NFIA: variants seen among roughly 807,000 people sequenced by gnomAD.
The protein encoded by NFIA is nuclear factor 1 A-type.
Under a neutral mutation model 62.8 loss-of-function variants are expected in NFIA, and 8 were observed. The ratio of observed to expected loss-of-function variants is 0.13; its 90% CI spans 0.07 to 0.23. The LOEUF is 0.23. Among genes scored for constraint, NFIA ranks in the 10% least tolerant of loss-of-function variants. The pLI, the probability that NFIA is intolerant of heterozygous loss-of-function variation, is 1.00. For missense variants in NFIA, 410 were observed against 642.1 expected (o/e 0.64, Z 3.91); for synonymous variants, 235 against 238.1 (o/e 0.99, Z 0.12).
At chr1:61,083,373 G>T (rs1646153947) in intron 1 of NFIA, among the ~76,000 whole-genome samples, 1 of 152,106 alleles carries the variant, frequency 6.6e-6, no homozygotes, top group African/African-American at 2.4e-5. Flanking sequence ...CTGCGCTGCC[G>T]CAGCCCCCCG....
At chr1:61,229,518 A>G (rs1654539053) in intron 2 of NFIA, among the ~76,000 whole-genome samples, 1 of 152,156 alleles carries the variant, frequency 6.6e-6, no homozygotes, top group African/African-American at 2.4e-5. Context: ...AAGCTCAAAC[A>G]AAAATGGAAT....
intron 2 of NFIA, among the ~76,000 whole-genome samples, chr1:61,117,511 A>G (rs1471405568): frequency 6.6e-6 from 1 of 151,776 alleles, no homozygotes; most frequent in East Asian, 1.9e-4. Flanking sequence ...AAGAACAGGA[A>G]AAAAAAATGT....
chr1:61,166,364 G>A (rs1369458751), intron 2 of NFIA, among the ~76,000 whole-genome samples: 2 of 152,068 alleles, frequency 1.3e-5, no homozygotes, highest in Non-Finnish European at 2.9e-5. Context: ...CCTGAGATAT[G>A]TATTCATTAC....
At chr1:61,372,549 T>G (rs1478247985) in intron 6 of NFIA, among the ~76,000 whole-genome samples, 1 of 149,824 alleles carries the variant, frequency 6.7e-6, no homozygotes, top group Non-Finnish European at 1.5e-5. Context: ...TTACACAGCA[T>G]ACTTGTTTCT....
At position 61,283,589 on chromosome 1, in the gene NFIA, A is replaced by AT. The variant is rs1266222679; in HGVS notation, c.625+6004_625+6005insT. The stretch of plus-strand genomic sequence containing the variant: ...AGAACGAGACTCTGTCTCAAAAAAA[A>AT]AAAAAAAAAAAAAAAAAAAGATTTA... On this transcript the variant is annotated intron_variant, in intron 3 of 10. Transcript: ENST00000403491. 9.3e-3 allele frequency among the ~76,000 whole-genome samples: 1,114 copies of AT among 119,534 alleles called. 51 individuals carry two copies. Among genetic ancestry groups the AT allele is most frequent in the African/African-American group, 0.033 (1,066 of 32,148 alleles). 78.4% of individuals were successfully genotyped at this position (119,534 alleles called of 152,430 possible).
intron 2 of NFIA, among the ~76,000 whole-genome samples, chr1:61,196,835 A>C (rs948172381): frequency 6.6e-6 from 1 of 152,300 alleles, no homozygotes; most frequent in East Asian, 1.9e-4. Context: ...CTGCATACTC[A>C]TAACAGTGTC....
chr1:61,116,126 A>G (rs1175419962), intron 2 of NFIA, among the ~76,000 whole-genome samples: 4 of 152,024 alleles, frequency 2.6e-5, no homozygotes, highest in African/African-American at 9.7e-5. Context: ...AGCTACAACA[A>G]AGTTAAATGG....
intron 3 of NFIA, among the ~76,000 whole-genome samples, chr1:61,321,149 C>T: frequency 6.6e-6 from 1 of 152,020 alleles, no homozygotes; most frequent in East Asian, 1.9e-4. Flanking sequence ...TTATAAAATA[C>T]TGATACTATG....
chr1:61,459,807 T>C lies in NFIA; in HGVS notation c.*4487T>C, dbSNP rs1668460566. The C allele has an allele frequency of 2.6e-5, 4 of 152,114 alleles. No individual in the cohort carries two copies. 9.4% of individuals were successfully genotyped at this position (152,114 alleles called of 1,614,324 possible). A position where few individuals can be genotyped will look rare whatever the true frequency, so the allele number is the denominator to read the frequency against. ...ACCTGGATAAGGAAAAACCTTTTTTTTCTATGAATTTTTTTTGTTTTTTAG... is the reference window on the plus strand; with the variant it reads ...ACCTGGATAAGGAAAAACCTTTTTTCTCTATGAATTTTTTTTGTTTTTTAG... On this transcript the variant is annotated 3_prime_UTR_variant, in exon 11 of 11. Coordinates refer to ENST00000403491, the MANE Select transcript of NFIA (RefSeq NM_001134673.4).
At chr1:61,185,963 CAA>C (rs1208152337) in intron 2 of NFIA, among the ~76,000 whole-genome samples, 1 of 152,172 alleles carries the variant, frequency 6.6e-6, no homozygotes, top group Non-Finnish European at 1.5e-5. Context: ...CACAAGGATG[CAA>C]ACTACGTTTA....
chr1:61,320,185 C>T (rs1339413623), intron 3 of NFIA, among the ~76,000 whole-genome samples: 1 of 151,902 alleles, frequency 6.6e-6, no homozygotes, highest in African/African-American at 2.4e-5. Flanking sequence ...AGTGTTCCTC[C>T]ATTGTGCTAA....
chr1:61,269,570 C>T (rs530954533), intron 2 of NFIA, among the ~76,000 whole-genome samples: 1 of 152,164 alleles, frequency 6.6e-6, no homozygotes, highest in Admixed American at 6.5e-5. Context: ...TCTTAAAGTG[C>T]AGGAGGTTTG....
intron 2 of NFIA, among the ~76,000 whole-genome samples, chr1:61,234,546 A>G (rs1184314499): frequency 6.6e-6 from 1 of 152,096 alleles, no homozygotes; most frequent in Non-Finnish European, 1.5e-5. Flanking sequence ...CACCTACCAT[A>G]TTACTTTGCC....
intron 4 of NFIA, among the ~76,000 whole-genome samples, chr1:61,337,466 A>T (rs1382465803): frequency 6.6e-6 from 1 of 152,170 alleles, no homozygotes; most frequent in Non-Finnish European, 1.5e-5. Context: ...ATCTGAAAGT[A>T]GCTCAATTAT....
chr1:61,307,183 T>C (rs1329513624), intron 3 of NFIA, among the ~76,000 whole-genome samples: 1 of 152,132 alleles, frequency 6.6e-6, no homozygotes, highest in Admixed American at 6.5e-5. Flanking sequence ...CCAAAATTCA[T>C]ATGTTGAAAT....
chr1:61,299,510 A>T (rs1452855795), intron 3 of NFIA, among the ~76,000 whole-genome samples: 1 of 152,210 alleles, frequency 6.6e-6, no homozygotes, highest in Non-Finnish European at 1.5e-5. Flanking sequence ...TTAAAGGGAA[A>T]TCTTAATGGG....
chr1:61,239,820 TATTA>T (rs1053651059), intron 2 of NFIA, among the ~76,000 whole-genome samples: 4 of 152,176 alleles, frequency 2.6e-5, no homozygotes, highest in African/African-American at 9.6e-5. Flanking sequence ...AACTATGCTG[TATTA>T]ATTGAAAGGA....
chr1:61,294,504 A>G (rs1422950142), intron 3 of NFIA, among the ~76,000 whole-genome samples: 2 of 152,362 alleles, frequency 1.3e-5, no homozygotes, highest in Admixed American at 6.5e-5. Flanking sequence ...TCATTTGCCA[A>G]TAAGTTGTAA....
chr1:61,095,091 A>G (rs995161409), intron 2 of NFIA, among the ~76,000 whole-genome samples: 1 of 152,228 alleles, frequency 6.6e-6, no homozygotes, highest in Non-Finnish European at 1.5e-5. Flanking sequence ...TGATAACTAG[A>G]GATTGAAGTG....
Sources: allele counts gnomAD v4.1 joint callset (sites outside exome capture counted in the v4.1 genomes callset), GRCh38; gene constraint gnomAD v4.1.1; transcripts MANE v1.5; gene names NCBI Gene and HGNC (gene_info 2026-07-23, HGNC 2026-07-21).